The following PDE1C variants were observed in gnomAD, a reference collection of about 807,000 sequenced individuals.
PDE1C encodes phosphodiesterase 1C.
In PDE1C, 62 loss-of-function variants were observed where a neutral mutation model predicts 93.1. The observed-to-expected ratio is 0.67, with a 90% CI of 0.54 to 0.82. The LOEUF (loss-of-function observed/expected upper bound fraction) is 0.82, where lower values mean the gene tolerates loss of function less well. Ranked by LOEUF, PDE1C falls within the 40% of genes least tolerant of loss-of-function variation. The pLI, the probability that PDE1C is intolerant of heterozygous loss-of-function variation, is 0.00. For synonymous variants in PDE1C, 325 were observed against 310.1 expected, an observed-to-expected ratio of 1.05 and a Z score of -0.50; for missense variants, 742 against 884.6, an observed-to-expected ratio of 0.84 and a Z score of 2.04.
intron 5 of PDE1C, among the ~76,000 whole-genome samples, chr7:31,877,206 A>G (rs1796702215): frequency 6.6e-6 from 1 of 152,224 alleles, no homozygotes; most frequent in South Asian, 2.1e-4. Context: ...ATTGGAATCC[A>G]GAAGCCAAAT....
the PDE1C span, chr7:31,642,211 G>C: frequency 3.8e-6 from 6 of 1,561,262 alleles, no homozygotes; most frequent in Non-Finnish European, 2.6e-6. Flanking sequence ...CTGCCAGTCT[G>C]ACAGCAGCGG....
At position 31,790,407 on chromosome 7, in the gene PDE1C, T is replaced by TC. The variant is rs201808433; in HGVS notation, c.1892-14676dup. 1.5e-4 allele frequency: 96 copies of TC among 655,834 alleles called. No homozygotes were observed. In the East Asian group the frequency reaches 2.5e-3, roughly 17 times the overall value. The allele number at this position is 655,834 out of a possible 1,614,324, so 40.6% of individuals were successfully genotyped here. A position where few individuals can be genotyped will look rare whatever the true frequency, so the allele number is the denominator to read the frequency against. On this transcript the variant is annotated intron_variant, in intron 16 of 17. Transcript: ENST00000396191. ...CATTTCCATACTGGTCATTGCTGTC[T>TC]CCCTTGTAACAAGATTTGTTCTATT... is the stretch of plus-strand genomic sequence containing the variant.
chr7:32,240,734 G>C (rs1297875276), intron 1 of PDE1C, among the ~76,000 whole-genome samples: 1 of 152,196 alleles, frequency 6.6e-6, no homozygotes, highest in African/African-American at 2.4e-5. Flanking sequence ...GTTTGGAGCA[G>C]AGCAGGGATA....
chr7:32,164,257 T>C (rs1375036501), intron 3 of PDE1C, among the ~76,000 whole-genome samples: 12 of 152,134 alleles, frequency 7.9e-5, no homozygotes, highest in Non-Finnish European at 1.8e-4. Flanking sequence ...CAATGGCTTC[T>C]ATCCAAAAAG....
At chr7:31,747,783 G>A (rs141487607), downstream of PDE1C, among the ~76,000 whole-genome samples, 2 of 149,044 alleles carry the variant, frequency 1.3e-5, no homozygotes, top group South Asian at 2.1e-4. Flanking sequence ...CACTGAGTCT[G>A]CCCCTGGGTG....
chr7:32,070,007 C>T (rs1051948567), intron 1 of PDE1C, among the ~76,000 whole-genome samples: 3 of 152,192 alleles, frequency 2.0e-5, no homozygotes, highest in African/African-American at 7.2e-5. Context: ...AGAAACACCT[C>T]ATTGAGTATT....
At chr7:31,733,716 C>T in the PDE1C span, among the ~76,000 whole-genome samples, 4 of 152,278 alleles carry the variant, frequency 2.6e-5, no homozygotes, top group Non-Finnish European at 4.4e-5. Flanking sequence ...TTCTTTCAGC[C>T]GGGCACAGTG....
chr7:31,974,130 T>A (rs113000785), intron 2 of PDE1C, among the ~76,000 whole-genome samples: 2,512 of 152,286 alleles, frequency 0.016, 71 homozygotes, highest in African/African-American at 0.057. Flanking sequence ...GTGATTGTTT[T>A]TTTAAAGTTG....
intron 1 of PDE1C, among the ~76,000 whole-genome samples, chr7:32,321,842 G>A (rs775568472): frequency 1.3e-5 from 2 of 152,120 alleles, no homozygotes; most frequent in Non-Finnish European, 1.5e-5. Flanking sequence ...TTTCAAACCC[G>A]ATCAGTTGTT....
chr7:32,219,818 G>T (rs931218159), intron 1 of PDE1C, among the ~76,000 whole-genome samples: 2 of 152,206 alleles, frequency 1.3e-5, no homozygotes, highest in African/African-American at 2.4e-5. Flanking sequence ...TATTGATATG[G>T]TTTGGCTGTG....
chr7:31,925,623 G>T (rs991765623), intron 2 of PDE1C, among the ~76,000 whole-genome samples: 3 of 152,124 alleles, frequency 2.0e-5, no homozygotes, highest in South Asian at 2.1e-4. Context: ...GAAGACTAGG[G>T]TGTCTCTAGG....
At chr7:31,817,437 G>A (rs996965364) in intron 14 of PDE1C, among the ~76,000 whole-genome samples, 1 of 152,128 alleles carries the variant, frequency 6.6e-6, no homozygotes, top group Admixed American at 6.5e-5. Context: ...GACAAGCAGG[G>A]TTCAGATCAT....
chr7:32,418,990 G>C (rs1785331942), intron 1 of PDE1C, among the ~76,000 whole-genome samples: 1 of 152,154 alleles, frequency 6.6e-6, no homozygotes, highest in Admixed American at 6.5e-5. Context: ...GTTTTACTGA[G>C]GTCTCTTAGG....
intron 2 of PDE1C, among the ~76,000 whole-genome samples, chr7:32,007,451 A>G (rs899206319): frequency 3.3e-5 from 5 of 152,206 alleles, no homozygotes; most frequent in Admixed American, 6.5e-5. Flanking sequence ...CAGGAATATG[A>G]GCAAAGGAGG....
intron 1 of PDE1C, among the ~76,000 whole-genome samples, chr7:32,327,921 G>A (rs552391371): frequency 6.6e-6 from 1 of 152,142 alleles, no homozygotes; most frequent in East Asian, 1.9e-4. Flanking sequence ...TTCTTCAGAT[G>A]AACATACCAC....
intron 2 of PDE1C, among the ~76,000 whole-genome samples, chr7:31,926,938 C>A (rs1246889650): frequency 6.7e-6 from 1 of 148,194 alleles, no homozygotes; most frequent in Non-Finnish European, 1.5e-5. Context: ...ACCCCAGTGG[C>A]GCCTAGAACA....
At chr7:32,321,110 C>A (rs971914224) in intron 1 of PDE1C, among the ~76,000 whole-genome samples, 1 of 152,166 alleles carries the variant, frequency 6.6e-6, no homozygotes, top group African/African-American at 2.4e-5. Flanking sequence ...GAAGAACAAT[C>A]GCTCAGTGAC....
At chr7:31,738,325 C>T in the PDE1C span, among the ~76,000 whole-genome samples, 1 of 152,120 alleles carries the variant, frequency 6.6e-6, no homozygotes, top group Non-Finnish European at 1.5e-5. Context: ...GGTGGGGAGG[C>T]CTCACAATCA....
intron 2 of PDE1C, among the ~76,000 whole-genome samples, chr7:32,020,804 G>A (rs561023685): frequency 2.6e-4 from 39 of 152,212 alleles, no homozygotes; most frequent in African/African-American, 8.4e-4. Context: ...CCAACAACAT[G>A]AGGATCATAT....
Sources: allele counts gnomAD v4.1 joint callset (sites outside exome capture counted in the v4.1 genomes callset), GRCh38; gene constraint gnomAD v4.1.1; transcripts MANE v1.5; gene names NCBI Gene and HGNC (gene_info 2026-07-23, HGNC 2026-07-21).